Variants in OR7A17 observed in about 807,000 individuals in gnomAD.
The protein encoded by OR7A17 is olfactory receptor family 7 subfamily A member 17.
For missense variants in OR7A17, 366 were observed against 365.5 expected (o/e 1.00, Z -0.01); for synonymous variants, 159 against 142.1 (o/e 1.12, Z -0.85).
At chr19:14,883,712 A>C (rs1215524508) in intron 1 of OR7A17, among the ~76,000 whole-genome samples, 1 of 152,230 alleles carries the variant, frequency 6.6e-6, no homozygotes, top group Non-Finnish European at 1.5e-5. Context: ...AAATAAAAAG[A>C]ATGTTATGGG....
At chr19:14,883,294 G>A (rs1438448427) in intron 1 of OR7A17, among the ~76,000 whole-genome samples, 1 of 152,258 alleles carries the variant, frequency 6.6e-6, no homozygotes, top group East Asian at 1.9e-4. Context: ...ACAAAAATTA[G>A]CCAGGTGTGG....
intron 1 of OR7A17, among the ~76,000 whole-genome samples, chr19:14,883,428 G>T (rs548556520): frequency 1.3e-5 from 2 of 149,936 alleles, no homozygotes; most frequent in African/African-American, 4.9e-5. Flanking sequence ...CAACAAGAGC[G>T]AAACTCTGTC....
At chr19:14,885,210 C>A (rs1461336206) in intron 1 of OR7A17, among the ~76,000 whole-genome samples, 1 of 152,186 alleles carries the variant, frequency 6.6e-6, no homozygotes, top group East Asian at 1.9e-4. Flanking sequence ...CCTTTGAAAA[C>A]TGGCACAAGA....
At position 14,881,364 on chromosome 19, in the gene OR7A17, T is replaced by TCTA. The variant is rs897968479; in HGVS notation, c.-10_-9insTAG. ...TCATTCTCTGGTTCCATCTTTTTTTTTCTATTTATTTATTTATTTATTTAT... is the reference window on the plus strand; with the variant it reads ...TCATTCTCTGGTTCCATCTTTTTTTTCTATCTATTTATTTATTTATTTATTTAT... On this transcript the variant is annotated 5_prime_UTR_variant, in exon 3 of 3. Coordinates refer to ENST00000641113, the MANE Select transcript of OR7A17 (RefSeq NM_030901.2). 7.8e-6 allele frequency: 9 copies of TCTA among 1,151,218 alleles called. No individual in the cohort carries two copies. Among genetic ancestry groups the TCTA allele is most frequent in the African/African-American group, 6.2e-5 (3 of 48,566 alleles). 71.3% of individuals were successfully genotyped at this position (1,151,218 alleles called of 1,614,324 possible). A position where few individuals can be genotyped will look rare whatever the true frequency, so the allele number is the denominator to read the frequency against.
At position 14,880,679 on chromosome 19, in the gene OR7A17, C is replaced by T. The variant is rs145127106; in HGVS notation, c.677G>A (p.Arg226His). The stretch of plus-strand genomic sequence containing the variant: ...CTTCCCCTGAGCTGATGAGATTGCA[C>T]GTATGGAGGAAACTATCTTAGAGTA... ...CSYSKIVSSI[R>H]AISSAQGKYK... is the part of the protein sequence containing the mutation. The change falls in exon 3 of 3, where the codon CGT becomes CAT. Residue 226 changes from arginine (R) to histidine (H), a missense_variant. By Grantham distance (29) the Arg-to-His change is conservative. Transcript: ENST00000641113. 5.2e-4 allele frequency: 837 copies of T among 1,614,118 alleles called. 5 individuals carry two copies. In the African/African-American group the frequency reaches 7.1e-3, roughly 14 times the overall value.
Position 14,880,507 on chromosome 19 carries a change from G to A in OR7A17, c.849C>T (p.Pro283=), listed in dbSNP as rs768589508. 2.5e-6 allele frequency: 4 copies of A among 1,614,022 alleles called. No homozygotes were observed. Among genetic ancestry groups the A allele is most frequent in the Non-Finnish European group, 3.4e-6 (4 of 1,180,004 alleles). ...GACTGTAGATAAAGGGGTTCAGCAT[G>A]GGGGTGGCCACAGTGTACATCACTG... ...TASVMYTVAT[P]MLNPFIYSLR... The change falls in exon 3 of 3, where the codon CCC becomes CCT. Residue 283 remains proline (P), a synonymous_variant. Coordinates refer to ENST00000641113, the MANE Select transcript of OR7A17 (RefSeq NM_030901.2).
chr19:14,882,662 G>T (rs2045117963), intron 1 of OR7A17, among the ~76,000 whole-genome samples: 1 of 152,242 alleles, frequency 6.6e-6, no homozygotes, highest in East Asian at 1.9e-4. Flanking sequence ...TGCCTGCGAA[G>T]GCATCTCAGT....
rs2045112160 is a variant in OR7A17, at chr19:14,881,463, AT to A, written c.-109del. ...ACGCTGGTCTGAACCTCCTGGACTCATGCGATCCTCCCACTTCAGCCTACAA... is the reference window on the plus strand; with the variant it reads ...ACGCTGGTCTGAACCTCCTGGACTCAGCGATCCTCCCACTTCAGCCTACAA... On this transcript the variant is annotated 5_prime_UTR_variant, in exon 3 of 3. An upstream start codon of the reference 5' UTR is lost. Transcript: ENST00000641113. 3.0e-6 allele frequency: 2 copies of A among 675,968 alleles called. No homozygotes were observed. Among genetic ancestry groups the A allele is most frequent in the Non-Finnish European group, 4.2e-6 (2 of 477,548 alleles). The allele number at this position is 675,968 out of a possible 1,614,324, so 41.9% of individuals were successfully genotyped here.
At position 14,879,934 on chromosome 19, in the gene OR7A17, T is replaced by C. The variant is rs10402617; in HGVS notation, c.*492A>G. 0.14 allele frequency: 20,747 copies of C among 152,114 alleles called. 2,801 individuals are homozygous for C. The highest frequency in any genetic ancestry group is 0.34 in the African/African-American group (14,220 of 41,360). The allele number at this position is 152,114 out of a possible 1,614,324, so 9.4% of individuals were successfully genotyped here. On this transcript the variant is annotated 3_prime_UTR_variant, in exon 3 of 3. Coordinates refer to ENST00000641113, the MANE Select transcript of OR7A17 (RefSeq NM_030901.2). The stretch of plus-strand genomic sequence containing the variant: ...GCGAGACTCCATCTAAAAAAATAAA[T>C]GCCATGATGAGCTAAAATGCACACT...
intron 1 of OR7A17, among the ~76,000 whole-genome samples, 158 bp downstream of exon 1, chr19:14,885,783 A>G (rs990722955): frequency 6.6e-6 from 1 of 152,250 alleles, no homozygotes; most frequent in African/African-American, 2.4e-5. Flanking sequence ...TTTAAATTTC[A>G]TATAGAACCA....
rs1481057807 is a variant in OR7A17 at position 14,880,560 on chromosome 19, G to A, written c.796C>T (p.His266Tyr). 5 of 1,614,092 alleles carry A rather than the reference G, an allele frequency of 3.1e-6. No homozygotes were observed. The highest frequency in any genetic ancestry group is 1.1e-5 in the South Asian group (1 of 91,068). Residue 266 changes from histidine (H) to tyrosine (Y), a missense_variant, in exon 3 of 3, where the codon CAC (histidine) becomes TAC (tyrosine). His to Tyr is a moderately conservative substitution (Grantham distance 83, BLOSUM62 2). Coordinates refer to ENST00000641113, the MANE Select transcript of OR7A17 (RefSeq NM_030901.2). ...LGVYLTSAAT[H>Y]NSHTSATASV... is the part of the protein sequence containing the mutation. ...GCTGTTGCACTTGTGTGTGAGTTGT[G>A]GGTTGCAGCAGAAGTAAGGTACACA...
rs544044313 is a variant in OR7A17, at chr19:14,881,043, C to A, written c.313G>T (p.Val105Leu). ...AGCITQMCFFVLFGGLDSLLL... is the reference protein window; with the variant it reads ...AGCITQMCFFLLFGGLDSLLL... ...AAGCTGTCTAACCCTCCAAAAAGTA[C>A]AAAAAAGCACATCTGGGTGATGCAG... The change falls in exon 3 of 3, where the codon GTA (valine) becomes TTA (leucine). Residue 105 changes from valine (V) to leucine (L), a missense_variant. By Grantham distance (32) the Val-to-Leu change is conservative. Transcript: ENST00000641113. The A allele has an allele frequency of 1.3e-4, 217 of 1,614,088 alleles. 2 individuals carry two copies. The South Asian group carries it at 2.3e-3, about 17-fold the overall frequency.
In OR7A17 at chr19:14,879,703, C is replaced by T. The variant is rs2045096596; in HGVS notation, c.*723G>A. 1 of 152,244 alleles carries T rather than the reference C, an allele frequency of 6.6e-6. No individual in the cohort carries two copies. Among genetic ancestry groups the T allele is most frequent in the Non-Finnish European group, 1.5e-5 (1 of 68,250 alleles). 9.4% of individuals were successfully genotyped at this position (152,244 alleles called of 1,614,324 possible). ...CTTTGGGGGGCCGAGGCAGGCGGAT[C>T]CCCTGAGGGTAGGAGTTCGAGACCA... On this transcript the variant is annotated 3_prime_UTR_variant, in exon 3 of 3. Coordinates refer to ENST00000641113, the MANE Select transcript of OR7A17 (RefSeq NM_030901.2).
Position 14,881,528 on chromosome 19 carries a change from C to G in OR7A17, c.-173G>C, listed in dbSNP as rs1054533191. On this transcript the variant is annotated 5_prime_UTR_variant, in exon 3 of 3. Transcript: ENST00000641113. ...ATAGGCATAAGCCATTGTGCCCAGG[C>G]TTGGTTGCATCTTTTCAATGTGACT... is the stretch of plus-strand genomic sequence containing the variant. 3.3e-5 allele frequency: 11 copies of G among 334,614 alleles called. No individual in the cohort carries two copies. The highest frequency in any genetic ancestry group is 9.0e-4 in the Middle Eastern group (1 of 1,112). 20.7% of individuals were successfully genotyped at this position (334,614 alleles called of 1,614,324 possible).
At chr19:14,882,086 G>T (rs574597058) in intron 1 of OR7A17, among the ~76,000 whole-genome samples, 229 of 147,760 alleles carry the variant, frequency 1.5e-3, no homozygotes, top group African/African-American at 4.6e-3. Context: ...ACGCTCTCTC[G>T]CTCTCTCTCT....
At chr19:14,882,665 A>C (rs2045117979) in intron 1 of OR7A17, among the ~76,000 whole-genome samples, 1 of 152,262 alleles carries the variant, frequency 6.6e-6, no homozygotes. Context: ...CTGCGAAGGC[A>C]TCTCAGTATG....
At position 14,883,911 on chromosome 19, in the gene OR7A17, T is replaced by C. The variant is rs551932730; in HGVS notation, c.-295+2030A>G. Among the ~76,000 whole-genome samples, 3 of 152,308 alleles carry C rather than the reference T, an allele frequency of 2.0e-5. 1 individual carries two copies. The highest frequency in any genetic ancestry group is 2.1e-4 in the South Asian group (1 of 4,830). The stretch of plus-strand genomic sequence containing the variant: ...AATGTTTCTAAAATGTTCTGGCACA[T>C]AGAAGATACTCTCGACTTATTGAAT... On this transcript the variant is annotated intron_variant, in intron 1 of 2. Coordinates refer to ENST00000641113, the MANE Select transcript of OR7A17 (RefSeq NM_030901.2).
intron 1 of OR7A17, chr19:14,884,576 GA>G (rs1490641549): frequency 6.6e-6 from 1 of 152,168 alleles, no homozygotes; most frequent in Non-Finnish European, 1.5e-5. Flanking sequence ...AAACCAGGAA[GA>G]AGTCAAATCC....
At chr19:14,883,633 G>C (rs1029021270) in intron 1 of OR7A17, among the ~76,000 whole-genome samples, 2 of 151,988 alleles carry the variant, frequency 1.3e-5, no homozygotes, top group Non-Finnish European at 2.9e-5. Flanking sequence ...CTTTAAGTTT[G>C]TATTTTCACA....
Sources: gnomAD v4.1 joint callset for allele counts (sites outside exome capture counted in the v4.1 genomes callset) on GRCh38, gnomAD v4.1.1 for gene constraint, MANE v1.5 for transcripts, NCBI Gene and HGNC (gene_info 2026-07-23, HGNC 2026-07-21) for gene names.